AFF3: variants seen among roughly 807,000 people sequenced by gnomAD.
AFF3 encodes AF4/FMR2 family member 3.
Under a neutral mutation model 129.7 loss-of-function variants are expected in AFF3, and 32 were observed. That is an observed-to-expected ratio of 0.25 (90% CI 0.19 to 0.33). AFF3 has a LOEUF of 0.33. AFF3 is among the 10% of genes least tolerant of loss of function. The pLI is 1.00. For missense variants in AFF3, 1,373 were observed against 1,592.0 expected, an observed-to-expected ratio of 0.86 and a Z score of 2.34; for synonymous variants, 644 against 635.4, an observed-to-expected ratio of 1.01 and a Z score of -0.20.
chr2:99,622,135 G>T (rs1254298881), intron 13 of AFF3, among the ~76,000 whole-genome samples: 1 of 152,154 alleles, frequency 6.6e-6, no homozygotes, highest in Non-Finnish European at 1.5e-5. Flanking sequence ...AGGACCAGGG[G>T]TCTCCAGCCC....
At chr2:99,560,243 A>G in intron 21 of AFF3, 122 bp downstream of exon 21, 1 of 1,038,582 alleles carries the variant, frequency 9.6e-7, no homozygotes, top group Admixed American at 2.2e-5. Context: ...TGGTCATTAG[A>G]ACTGCTCTGG....
chr2:99,944,783 G>T (rs970503558), intron 7 of AFF3, among the ~76,000 whole-genome samples: 3 of 152,080 alleles, frequency 2.0e-5, no homozygotes, highest in African/African-American at 7.2e-5. Context: ...ATAGTAAAGG[G>T]TCCACAGGAC....
intron 7 of AFF3, among the ~76,000 whole-genome samples, chr2:99,913,238 T>G (rs1295816985): frequency 6.6e-6 from 1 of 152,368 alleles, no homozygotes; most frequent in South Asian, 2.1e-4. Flanking sequence ...GATAGCAGCC[T>G]TGATTTTCAC....
chr2:100,141,302 G>T (rs772493397), intron 1 of AFF3, among the ~76,000 whole-genome samples: 1 of 152,238 alleles, frequency 6.6e-6, no homozygotes, highest in African/African-American at 2.4e-5. Flanking sequence ...ACTAAGTGCA[G>T]TTACGCCTAG....
At chr2:99,994,869 T>G (rs1196899714) in intron 7 of AFF3, among the ~76,000 whole-genome samples, 2 of 152,124 alleles carry the variant, frequency 1.3e-5, no homozygotes, top group East Asian at 3.9e-4. Flanking sequence ...ATATTTGAGG[T>G]ACAGAAACTC....
At chr2:100,127,747 A>T (rs17023529) in intron 2 of AFF3, among the ~76,000 whole-genome samples, 5,287 of 152,276 alleles carry the variant, frequency 0.035, 317 homozygotes, top group African/African-American at 0.12. Flanking sequence ...TTCACGGAGT[A>T]GGTAGATCTT....
At position 99,593,226 on chromosome 2, in the gene AFF3, T is replaced by C; in HGVS notation, c.2435A>G (p.Lys812Arg). The C allele has an allele frequency of 6.3e-7, 1 of 1,596,508 alleles. No homozygotes were observed. Residue 812 changes from lysine (K) to arginine (R), a missense_variant, in exon 15 of 25, where the codon AAG becomes AGG. By Grantham distance (26) the Lys-to-Arg change is conservative. Transcript: ENST00000672756. ...TTTCCTCTTGGATTTTGGCAAAGCC[T>C]TTTCTGCAGGTGTGTCCGAGGTGTG... is the stretch of plus-strand genomic sequence containing the variant. ...PSHTSDTPAE[K>R]ALPKSKRKRK...
At chr2:99,580,538 A>G (rs1228973562) in intron 17 of AFF3, among the ~76,000 whole-genome samples, 2 of 152,114 alleles carry the variant, frequency 1.3e-5, no homozygotes, top group Non-Finnish European at 2.9e-5. Context: ...GATGCTGCCA[A>G]ACATCCTACG....
intron 8 of AFF3, among the ~76,000 whole-genome samples, chr2:99,811,442 G>A (rs1226145406): frequency 2.6e-5 from 4 of 151,852 alleles, no homozygotes; most frequent in Non-Finnish European, 5.9e-5. Context: ...CTTAAGGACA[G>A]AAAACAGCAT....
intron 8 of AFF3, among the ~76,000 whole-genome samples, chr2:99,821,119 C>T (rs1244000168): frequency 6.6e-6 from 1 of 152,002 alleles, no homozygotes; most frequent in Non-Finnish European, 1.5e-5. Flanking sequence ...GTGATCTGCC[C>T]GTCTTGGCCT....
At chr2:100,002,988 C>A (rs1681570623) in intron 7 of AFF3, among the ~76,000 whole-genome samples, 1 of 151,474 alleles carries the variant, frequency 6.6e-6, no homozygotes, top group Non-Finnish European at 1.5e-5. Context: ...TAACTTTTTT[C>A]AAATCCAAAA....
chr2:99,622,498 A>G (rs1301743181), intron 13 of AFF3, among the ~76,000 whole-genome samples: 1 of 152,228 alleles, frequency 6.6e-6, no homozygotes, highest in East Asian at 1.9e-4. Flanking sequence ...AATGAAATAA[A>G]CTAGAATGTG....
rs368230968 is a variant in AFF3 at position 99,851,505 on chromosome 2, C to T, written c.874-13981G>A. On this transcript the variant is annotated intron_variant, in intron 7 of 24. Transcript: ENST00000672756. Reference sequence around the variant, plus strand: ...TTCTATAGCACTTTGTCTCATACTCCGAGCACTGTTTGAGGCTTCTCATGG... The same window carrying T: ...TTCTATAGCACTTTGTCTCATACTCTGAGCACTGTTTGAGGCTTCTCATGG... Among the ~76,000 whole-genome samples, 77 of 152,308 alleles carry T rather than the reference C, an allele frequency of 5.1e-4. 1 individual carries two copies. In the East Asian group the frequency reaches 0.011, roughly 22 times the overall value.
chr2:99,629,178 C>T (rs1332561235), intron 13 of AFF3, among the ~76,000 whole-genome samples: 1 of 152,198 alleles, frequency 6.6e-6, no homozygotes, highest in Non-Finnish European at 1.5e-5. Flanking sequence ...TCTTGCCTGA[C>T]TGCTCTGGCC....
chr2:99,567,015 T>G lies in AFF3; in HGVS notation c.2983-1392A>C, dbSNP rs77150346. Among the ~76,000 whole-genome samples, 91 of 151,618 alleles carry G rather than the reference T, an allele frequency of 6.0e-4. 3 individuals carry two copies. The East Asian group carries it at 0.016, about 26-fold the overall frequency. On this transcript the variant is annotated intron_variant, in intron 19 of 24. Transcript: ENST00000672756. ...CAGGGTCTCACTCTGTCACCCAGGC[T>G]GGAGTGCAGTGGCATGATCTTGGCT...
At chr2:99,662,851 G>A (rs1686362841) in intron 12 of AFF3, among the ~76,000 whole-genome samples, 1 of 152,160 alleles carries the variant, frequency 6.6e-6, no homozygotes, top group Admixed American at 6.5e-5. Context: ...CCTGGGATGT[G>A]AATGTCACGC....
chr2:99,857,862 A>T (rs894662203), intron 7 of AFF3, among the ~76,000 whole-genome samples: 1 of 152,200 alleles, frequency 6.6e-6, no homozygotes, highest in Non-Finnish European at 1.5e-5. Context: ...CTCATTAATG[A>T]CTTTTTTCCC....
chr2:99,621,880 C>T (rs907892778), intron 13 of AFF3, among the ~76,000 whole-genome samples: 21 of 151,932 alleles, frequency 1.4e-4, no homozygotes, highest in Non-Finnish European at 2.1e-4. Context: ...ATTTGCAGGG[C>T]GAGTTGTGTG....
intron 13 of AFF3, among the ~76,000 whole-genome samples, chr2:99,602,317 C>G (rs915042406): frequency 2.6e-5 from 4 of 152,168 alleles, no homozygotes; most frequent in African/African-American, 9.7e-5. Flanking sequence ...TTCGTATATT[C>G]CGGACTTTAA....
Sources: gnomAD v4.1 joint callset for allele counts (sites outside exome capture counted in the v4.1 genomes callset) on GRCh38, gnomAD v4.1.1 for gene constraint, MANE v1.5 for transcripts, NCBI Gene and HGNC (gene_info 2026-07-23, HGNC 2026-07-21) for gene names.